DLGAP2: variants seen among roughly 807,000 people sequenced by gnomAD.
DLGAP2 encodes the protein disks large-associated protein 2.
A neutral mutation model predicts 100.3 loss-of-function variants in DLGAP2; 26 were observed. The observed-to-expected ratio is 0.26, with a 90% CI of 0.19 to 0.36. The LOEUF (loss-of-function observed/expected upper bound fraction) is 0.36. Ranked by LOEUF, DLGAP2 falls within the 10% of genes least tolerant of loss-of-function variation. The pLI is 1.00. For missense variants in DLGAP2, 1,858 were observed against 1,453.2 expected, an observed-to-expected ratio of 1.28 and a Z score of -4.53; for synonymous variants, 886 against 630.1, an observed-to-expected ratio of 1.41 and a Z score of -6.08.
intron 2 of DLGAP2, among the ~76,000 whole-genome samples, chr8:954,530 C>T (rs774724734): frequency 5.9e-5 from 9 of 152,066 alleles, no homozygotes; most frequent in East Asian, 1.9e-4. Flanking sequence ...TATTACACAG[C>T]AGTGGAAAAT....
intron 3 of DLGAP2, among the ~76,000 whole-genome samples, chr8:1,262,840 C>G (rs960821747): frequency 1.3e-5 from 2 of 152,160 alleles, no homozygotes; most frequent in South Asian, 2.1e-4. Flanking sequence ...CGCTTTTCAA[C>G]TAGAACACAG....
chr8:1,111,853 G>T (rs1804968098), intron 2 of DLGAP2, among the ~76,000 whole-genome samples: 1 of 152,090 alleles, frequency 6.6e-6, no homozygotes, highest in African/African-American at 2.4e-5. Context: ...TGTGAATAGT[G>T]CTGCAGTGAG....
chr8:1,366,144 T>A (rs1442725637), intron 3 of DLGAP2, among the ~76,000 whole-genome samples: 1 of 152,242 alleles, frequency 6.6e-6, no homozygotes, highest in Non-Finnish European at 1.5e-5. Context: ...TTGAAAAGTT[T>A]CCTATTTTCT....
chr8:1,507,255 G>A (rs1446746124), intron 4 of DLGAP2, among the ~76,000 whole-genome samples: 16 of 152,230 alleles, frequency 1.1e-4, no homozygotes, highest in Non-Finnish European at 2.4e-4. Flanking sequence ...CCACCGCGAG[G>A]GGGAGGCTCA....
intron 1 of DLGAP2, among the ~76,000 whole-genome samples, chr8:767,952 T>C (rs78613083): frequency 0.018 from 2,814 of 152,310 alleles, 66 homozygotes; most frequent in African/African-American, 0.065. Flanking sequence ...TTTTTTACAA[T>C]GTAAGAAGTA....
intron 1 of DLGAP2, among the ~76,000 whole-genome samples, chr8:809,890 C>T (rs1252007046): frequency 2.6e-5 from 4 of 152,322 alleles, no homozygotes; most frequent in African/African-American, 9.6e-5. Flanking sequence ...CCGTCTGGCT[C>T]TGACTCGCCC....
chr8:1,288,545 T>C (rs1799989889), intron 3 of DLGAP2, among the ~76,000 whole-genome samples: 1 of 48,738 alleles, frequency 2.1e-5, no homozygotes, highest in Admixed American at 2.2e-4. Context: ...GTTGAGTGTG[T>C]GTGTGTGTGT....
In DLGAP2 at chr8:1,317,742, T is replaced by C. The variant is rs78739733; in HGVS notation, c.106+58859T>C. 6.7e-3 allele frequency among the ~76,000 whole-genome samples: 348 copies of C among 51,838 alleles called. 6 individuals are homozygous for C. Among genetic ancestry groups the C allele is most frequent in the African/African-American group, 0.026 (267 of 10,096 alleles). 34.0% of individuals were successfully genotyped at this position (51,838 alleles called of 152,430 possible). A position where few individuals can be genotyped will look rare whatever the true frequency, so the allele number is the denominator to read the frequency against. On this transcript the variant is annotated intron_variant, in intron 3 of 14. Coordinates refer to ENST00000637795, the MANE Select transcript of DLGAP2 (RefSeq NM_001346810.2). Reference sequence around the variant, plus strand: ...GCAGCTTTTAAAAATAGAGCGTGTGTGAGTGCAGCGTCTCTCCAACAGTGG... The same window carrying C: ...GCAGCTTTTAAAAATAGAGCGTGTGCGAGTGCAGCGTCTCTCCAACAGTGG...
intron 6 of DLGAP2, among the ~76,000 whole-genome samples, chr8:1,584,245 G>A (rs1399978894): frequency 6.6e-6 from 1 of 152,264 alleles, no homozygotes; most frequent in East Asian, 1.9e-4. Flanking sequence ...TATTAGCGAC[G>A]CCGATAAAGT....
chr8:1,626,405 C>G (rs1468898045), intron 6 of DLGAP2, among the ~76,000 whole-genome samples: 2 of 121,374 alleles, frequency 1.6e-5, no homozygotes, highest in East Asian at 2.2e-4. Context: ...GTTCCCATCT[C>G]TACCCTGCAG....
chr8:1,614,286 A>C (rs1797077956), intron 6 of DLGAP2, among the ~76,000 whole-genome samples: 1 of 152,252 alleles, frequency 6.6e-6, no homozygotes, highest in Admixed American at 6.5e-5. Flanking sequence ...AGGCAAGAGA[A>C]CAGCCGTGGG....
rs1353440182 is a variant in DLGAP2 at position 854,138 on chromosome 8, C to T, written c.19-53774C>T. On this transcript the variant is annotated intron_variant, in intron 1 of 14. Coordinates refer to ENST00000637795, the MANE Select transcript of DLGAP2 (RefSeq NM_001346810.2). ...GAATTCCCGTTTCTTGTATGTCACCCGGTCTATGATACCTTGTTCTAGCAG... is the reference window on the plus strand; with the variant it reads ...GAATTCCCGTTTCTTGTATGTCACCTGGTCTATGATACCTTGTTCTAGCAG... 2.0e-5 allele frequency among the ~76,000 whole-genome samples: 3 copies of T among 152,142 alleles called. No homozygotes were observed. The East Asian group carries it at 5.8e-4, about 29-fold the overall frequency.
chr8:1,695,054 G>A (rs1243408003), intron 13 of DLGAP2, among the ~76,000 whole-genome samples: 1 of 152,188 alleles, frequency 6.6e-6, no homozygotes, highest in African/African-American at 2.4e-5. Flanking sequence ...GGGGGGCACG[G>A]GAAGGCGATG....
intron 3 of DLGAP2, among the ~76,000 whole-genome samples, chr8:1,325,049 G>C (rs1800988975): frequency 6.6e-6 from 1 of 152,156 alleles, no homozygotes; most frequent in Non-Finnish European, 1.5e-5. Context: ...CTCTCAACCT[G>C]AACCGATGGA....
intron 3 of DLGAP2, among the ~76,000 whole-genome samples, chr8:1,364,207 C>T (rs927827014): frequency 6.6e-6 from 1 of 152,170 alleles, no homozygotes; most frequent in Non-Finnish European, 1.5e-5. Context: ...GAGGGGCGGA[C>T]GGTGCCCCCG....
At position 1,549,465 on chromosome 8, in the gene DLGAP2, C is replaced by G. The variant is rs780033709; in HGVS notation, c.1012C>G (p.Leu338Val). Residue 338 changes from leucine (L) to valine (V), a missense_variant, in exon 5 of 15, where the codon CTG (leucine) becomes GTG (valine). Transcript: ENST00000637795. ...CGCGCTGCAGAGCCCCTTCGGGGAC[C>G]TGTCCCTCAAGACCTCCAAGAGCAA... Reference protein sequence around the residue: ...PDALQSPFGDLSLKTSKSNND... With the variant: ...PDALQSPFGDVSLKTSKSNND... 6.2e-7 allele frequency: 1 copy of G among 1,613,474 alleles called. No individual in the cohort carries two copies. Among genetic ancestry groups the G allele is most frequent in the Non-Finnish European group, 8.5e-7 (1 of 1,179,770 alleles).
chr8:1,491,084 A>AAAAAAAAAC (rs1563180065), intron 3 of DLGAP2, among the ~76,000 whole-genome samples: 2 of 144,560 alleles, frequency 1.4e-5, no homozygotes, highest in East Asian at 1.9e-4. Context: ...AACCAAAAAA[A>AAAAAAAAAC]AAAAAAAACC....
intron 3 of DLGAP2, among the ~76,000 whole-genome samples, chr8:1,334,018 C>G (rs80128872): frequency 0.015 from 2,212 of 152,342 alleles, 22 homozygotes; most frequent in Middle Eastern, 0.051. Flanking sequence ...GAAGAGGCTT[C>G]CTTGCGTGAG....
chr8:1,702,607 A>G lies in DLGAP2; in HGVS notation c.*1201A>G, dbSNP rs1799604615. 6.6e-6 allele frequency: 1 copy of G among 151,968 alleles called. No individual in the cohort carries two copies. Among genetic ancestry groups the G allele is most frequent in the Non-Finnish European group, 1.5e-5 (1 of 67,920 alleles). The allele number at this position is 151,968 out of a possible 1,614,324, so 9.4% of individuals were successfully genotyped here. ...AAAGAGGTCACATATTGTGATTTCCAGCTGTAGCATTCAAAAAAAAAATTG... is the reference window on the plus strand; with the variant it reads ...AAAGAGGTCACATATTGTGATTTCCGGCTGTAGCATTCAAAAAAAAAATTG... On this transcript the variant is annotated 3_prime_UTR_variant, in exon 15 of 15. Transcript: ENST00000637795.
Sources: allele counts gnomAD v4.1 joint callset (sites outside exome capture counted in the v4.1 genomes callset), GRCh38; gene constraint gnomAD v4.1.1; transcripts MANE v1.5; gene names NCBI Gene and HGNC (gene_info 2026-07-23, HGNC 2026-07-21).